The following RHBDD1 variants were observed in gnomAD, a reference collection of about 807,000 sequenced individuals.
RHBDD1 encodes rhomboid-related protein 4.
RHBDD1 carries 38 observed loss-of-function variants against 36.3 expected under a neutral mutation model. That is an observed-to-expected ratio of 1.05 (90% CI 0.81 to 1.37). RHBDD1 has a LOEUF of 1.37. Among genes scored for constraint, RHBDD1 ranks in the 40% most tolerant of loss-of-function variants. RHBDD1 has a pLI of 0.00. For missense variants in RHBDD1, 393 were observed against 377.6 expected (o/e 1.04, Z -0.34); for synonymous variants, 151 against 136.5 (o/e 1.11, Z -0.74).
At chr2:226,907,972 T>TA (rs1364083467) in intron 6 of RHBDD1, among the ~76,000 whole-genome samples, 1 of 152,210 alleles carries the variant, frequency 6.6e-6, no homozygotes, top group East Asian at 1.9e-4. Flanking sequence ...ATGAAGCGGT[T>TA]AGTAAAGCTT....
intron 8 of RHBDD1, among the ~76,000 whole-genome samples, chr2:226,992,620 A>G (rs1045862971): frequency 3.9e-5 from 6 of 152,218 alleles, no homozygotes; most frequent in African/African-American, 1.4e-4. Context: ...CGTCTTTGAT[A>G]TCAGCAGAGT....
chr2:226,833,538 T>C (rs888388894), upstream of RHBDD1, among the ~76,000 whole-genome samples: 4 of 152,236 alleles, frequency 2.6e-5, no homozygotes, highest in Non-Finnish European at 4.4e-5. Flanking sequence ...GGCTTAATCA[T>C]AGGTATTGCT....
At chr2:226,808,259 T>A in the RHBDD1 span, 1 of 152,228 alleles carries the variant, frequency 6.6e-6, no homozygotes, top group African/African-American at 2.4e-5. Flanking sequence ...CTCCAAGGTT[T>A]TTTTTACTTG....
At chr2:226,941,848 G>A (rs1189276796) in intron 8 of RHBDD1, among the ~76,000 whole-genome samples, 2 of 152,110 alleles carry the variant, frequency 1.3e-5, no homozygotes, top group African/African-American at 4.8e-5. Flanking sequence ...TTCCTTCCAG[G>A]TTAATGAGTA....
At position 226,995,818 on chromosome 2, in the gene RHBDD1, G is replaced by C. The variant is rs139391430; in HGVS notation, c.*296G>C. 1 of 380,610 alleles carries C rather than the reference G, an allele frequency of 2.6e-6. No individual in the cohort carries two copies. The highest frequency in any genetic ancestry group is 2.1e-5 in the African/African-American group (1 of 48,230). 23.6% of individuals were successfully genotyped at this position (380,610 alleles called of 1,614,324 possible). On this transcript the variant is annotated 3_prime_UTR_variant, in exon 9 of 9. Transcript: ENST00000392062. ...GCTGACTCAGCGATGCCTCTGCCTCGGTCTGCTTTTGAAGACTGTGACCTT... is the reference window on the plus strand; with the variant it reads ...GCTGACTCAGCGATGCCTCTGCCTCCGTCTGCTTTTGAAGACTGTGACCTT...
At chr2:226,899,702 C>A (rs541458451) in intron 5 of RHBDD1, among the ~76,000 whole-genome samples, 5 of 152,280 alleles carry the variant, frequency 3.3e-5, no homozygotes, top group African/African-American at 1.2e-4. Context: ...TTATCAGCAG[C>A]AGTAGATCCT....
rs142589252 is a variant in RHBDD1 at position 226,968,540 on chromosome 2, T to C, written c.857-26891T>C. Reference sequence around the variant, plus strand: ...ATGGACTTTAATCACATCTACCAGATGCCTTCACAGCAGCACCCTGATTAG... The same window carrying C: ...ATGGACTTTAATCACATCTACCAGACGCCTTCACAGCAGCACCCTGATTAG... On this transcript the variant is annotated intron_variant, in intron 8 of 8. Transcript: ENST00000392062. Among the ~76,000 whole-genome samples the C allele has an allele frequency of 7.5e-4, 115 of 152,348 alleles. 1 individual carries two copies. The East Asian group carries it at 0.011, about 14-fold the overall frequency.
intron 8 of RHBDD1, among the ~76,000 whole-genome samples, chr2:226,960,897 T>G (rs1473383128): frequency 6.6e-6 from 1 of 152,216 alleles, no homozygotes; most frequent in Non-Finnish European, 1.5e-5. Context: ...ATTCTCCTTT[T>G]GTAGATGGTT....
chr2:226,883,351 G>A (rs564782180), intron 5 of RHBDD1, among the ~76,000 whole-genome samples: 1 of 152,300 alleles, frequency 6.6e-6, no homozygotes, highest in South Asian at 2.1e-4. Flanking sequence ...ACACAGAGGT[G>A]GAATTAAACC....
chr2:226,934,454 T>C (rs561495260), intron 8 of RHBDD1, among the ~76,000 whole-genome samples: 2 of 152,262 alleles, frequency 1.3e-5, no homozygotes, highest in East Asian at 3.9e-4. Flanking sequence ...TTAAATAAAT[T>C]GTAAGGGTAC....
chr2:226,816,835 G>GAAAATGTA, the RHBDD1 span, among the ~76,000 whole-genome samples: 1 of 140,274 alleles, frequency 7.1e-6, no homozygotes, highest in Admixed American at 7.1e-5. Flanking sequence ...GGCAAAGGTT[G>GAAAATGTA]CAGTGGGCCC....
chr2:226,842,561 G>A (rs1406950482), intron 3 of RHBDD1, among the ~76,000 whole-genome samples: 1 of 152,106 alleles, frequency 6.6e-6, no homozygotes, highest in African/African-American at 2.4e-5. Flanking sequence ...TCTATTTCTT[G>A]TTTTGGCCAG....
At chr2:226,804,025 G>A in the RHBDD1 span, 2 of 152,144 alleles carry the variant, frequency 1.3e-5, no homozygotes, top group African/African-American at 2.4e-5. Flanking sequence ...CAATAATTTG[G>A]TGCTGTGACA....
At chr2:226,965,239 G>A (rs1470286381) in intron 8 of RHBDD1, among the ~76,000 whole-genome samples, 1 of 152,158 alleles carries the variant, frequency 6.6e-6, no homozygotes, top group African/African-American at 2.4e-5. Context: ...GGAACACCAA[G>A]GATGGCCAGC....
intron 3 of RHBDD1, among the ~76,000 whole-genome samples, chr2:226,855,844 A>AT (rs1300429417): frequency 6.6e-6 from 1 of 152,166 alleles, no homozygotes; most frequent in African/African-American, 2.4e-5. Context: ...TCCAGTTTTT[A>AT]TTTTATATGC....
chr2:226,851,049 C>G (rs2125079510), intron 3 of RHBDD1, among the ~76,000 whole-genome samples: 1 of 152,176 alleles, frequency 6.6e-6, no homozygotes, highest in East Asian at 1.9e-4. Flanking sequence ...GTGCCCTATG[C>G]CTTTCTTTCT....
intron 8 of RHBDD1, among the ~76,000 whole-genome samples, chr2:226,924,048 T>C (rs1303354906): frequency 1.3e-5 from 2 of 152,026 alleles, no homozygotes; most frequent in Admixed American, 1.3e-4. Flanking sequence ...TCCCTTTACT[T>C]TCCTCACTTC....
chr2:226,877,569 T>TTA lies in RHBDD1; in HGVS notation c.566+10252_566+10253dup, dbSNP rs1432771810. 2.0e-5 allele frequency among the ~76,000 whole-genome samples: 3 copies of TTA among 151,486 alleles called. No individual in the cohort carries two copies. In the East Asian group the frequency reaches 5.8e-4, roughly 29 times the overall value. The stretch of plus-strand genomic sequence containing the variant: ...ATTTTCCTTTTTTTTTTTTTTTTTT[T>TTA]TAACCATAGTTCATTAGTTTTTCTT... On this transcript the variant is annotated intron_variant, in intron 5 of 8. Coordinates refer to ENST00000392062, the MANE Select transcript of RHBDD1 (RefSeq NM_001167608.3).
chr2:226,812,438 A>G, the RHBDD1 span, among the ~76,000 whole-genome samples: 2 of 152,230 alleles, frequency 1.3e-5, no homozygotes, highest in African/African-American at 2.4e-5. Flanking sequence ...TATTCACTGA[A>G]ATGTTATTTT....
Sources: allele counts gnomAD v4.1 joint callset (sites outside exome capture counted in the v4.1 genomes callset), GRCh38; gene constraint gnomAD v4.1.1; transcripts MANE v1.5; gene names NCBI Gene and HGNC (gene_info 2026-07-23, HGNC 2026-07-21).